RUBCN: variants seen among roughly 807,000 people sequenced by gnomAD.
RUBCN encodes run domain Beclin-1-interacting and cysteine-rich domain-containing protein.
Under a neutral mutation model 113.2 loss-of-function variants are expected in RUBCN, and 74 were observed. That is an observed-to-expected ratio of 0.65 (90% CI 0.54 to 0.79). The LOEUF (loss-of-function observed/expected upper bound fraction) is 0.79, where lower values mean the gene tolerates loss of function less well. Ranked by LOEUF, RUBCN falls within the 30% of genes least tolerant of loss-of-function variation. The pLI, the probability that RUBCN is intolerant of heterozygous loss-of-function variation, is 0.00. For synonymous variants in RUBCN, 480 were observed against 490.0 expected (o/e 0.98, Z 0.27); for missense variants, 1,109 against 1,251.7 (o/e 0.89, Z 1.72).
chr3:197,708,573 A>AAAAAAAAAT (rs1207296556), intron 2 of RUBCN, among the ~76,000 whole-genome samples: 1 of 150,852 alleles, frequency 6.6e-6, no homozygotes. Context: ...AAAAAAAAAA[A>AAAAAAAAAT]AAGAGCAATG....
chr3:197,684,095 G>A, intron 12 of RUBCN, 62 bp downstream of exon 12: 1 of 1,337,660 alleles, frequency 7.5e-7, no homozygotes, highest in South Asian at 1.2e-5. Context: ...CAAGAACTGG[G>A]TTTGTTTCTC....
chr3:197,718,077 A>C lies in RUBCN; in HGVS notation c.119T>G (p.Val40Gly), dbSNP rs1365529880. ...CCAGACGTTGGGGCTGTTGGTTGATACCAAACCCTCCACCGTCGTCTTCAA... is the reference window on the plus strand; with the variant it reads ...CCAGACGTTGGGGCTGTTGGTTGATCCCAAACCCTCCACCGTCGTCTTCAA... Reference protein sequence around the residue: ...GNLKTTVEGLVSTNSPNVWSK... With the variant: ...GNLKTTVEGLGSTNSPNVWSK... Residue 40 changes from valine (V) to glycine (G), a missense_variant, in exon 2 of 20, where the codon GTA becomes GGA. Coordinates refer to ENST00000296343, the MANE Select transcript of RUBCN (RefSeq NM_014687.4). 2 of 1,614,204 alleles carry C rather than the reference A, an allele frequency of 1.2e-6. No individual in the cohort carries two copies. The highest frequency in any genetic ancestry group is 1.7e-6 in the Non-Finnish European group (2 of 1,180,034).
At chr3:197,692,455 T>C (rs1722529031) in intron 11 of RUBCN, among the ~76,000 whole-genome samples, 1 of 151,430 alleles carries the variant, frequency 6.6e-6, no homozygotes, top group African/African-American at 2.4e-5. Flanking sequence ...GTCGTGGGAA[T>C]CTCTGAATTT....
At chr3:197,748,724 A>G (rs1209427745) in intron 1 of RUBCN, among the ~76,000 whole-genome samples, 2 of 152,202 alleles carry the variant, frequency 1.3e-5, no homozygotes, top group Non-Finnish European at 1.5e-5. Flanking sequence ...CAGGCCTGGA[A>G]AGGGGAGCTG....
chr3:197,747,099 G>T lies in RUBCN; in HGVS notation c.-116+2170C>A, dbSNP rs982407074. On this transcript the variant is annotated intron_variant, in intron 1 of 20. Coordinates refer to the RUBCN transcript ENST00000273582. ...GGACAGGACCCAGTTCCGATTTCTT[G>T]GCTTGTCTTCCTCTTTATTTTTACT... Among the ~76,000 whole-genome samples the T allele has an allele frequency of 1.3e-4, 20 of 151,994 alleles. 3 individuals are homozygous for T. The highest frequency in any genetic ancestry group is 1.0e-3 in the Admixed American group (16 of 15,242).
At chr3:197,738,019 G>C (rs1389814264), upstream of RUBCN, among the ~76,000 whole-genome samples, 4 of 152,142 alleles carry the variant, frequency 2.6e-5, no homozygotes, top group Non-Finnish European at 5.9e-5. Flanking sequence ...CTCCTGAATA[G>C]CTGGGACTAC....
At chr3:197,685,134 T>C (rs886817872) in intron 11 of RUBCN, among the ~76,000 whole-genome samples, 1 of 152,182 alleles carries the variant, frequency 6.6e-6, no homozygotes, top group African/African-American at 2.4e-5. Flanking sequence ...AGAAGACGAT[T>C]TCTAATAATG....
intron 1 of RUBCN, among the ~76,000 whole-genome samples, chr3:197,745,702 G>A (rs1728714696): frequency 6.6e-6 from 1 of 151,968 alleles, no homozygotes; most frequent in South Asian, 2.1e-4. Context: ...ATAGATTTCT[G>A]TGCACATTAT....
At chr3:197,749,476 G>C (rs953419723) in exon 1 of RUBCN, 26 of 1,276,876 alleles carry the variant, frequency 2.0e-5, no homozygotes, top group Middle Eastern at 2.2e-4. Context: ...TGCCAGGGAG[G>C]GGGGAGCTGG....
At chr3:197,730,885 CTTTTTTTTTTTTT>C (rs71166707) in intron 1 of RUBCN, among the ~76,000 whole-genome samples, 14 of 49,996 alleles carry the variant, frequency 2.8e-4, no homozygotes, top group East Asian at 1.3e-3. Context: ...TTAAAAGCAT[CTTTTTTTTTTTTT>C]TTTTTTTTTT....
chr3:197,739,388 T>C (rs1475351156), upstream of RUBCN, among the ~76,000 whole-genome samples: 1 of 87,310 alleles, frequency 1.1e-5, no homozygotes, highest in Non-Finnish European at 2.4e-5. Flanking sequence ...CAAGACTTCG[T>C]CTGAAAAAAG....
chr3:197,700,439 T>C (rs1242951968), intron 7 of RUBCN, 174 bp downstream of exon 7: 1 of 638,346 alleles, frequency 1.6e-6, no homozygotes, highest in East Asian at 2.7e-5. Flanking sequence ...TAAATAGACT[T>C]AGAGATTTTG....
At chr3:197,695,093 C>T (rs1036058258) in intron 9 of RUBCN, among the ~76,000 whole-genome samples, 7 of 152,092 alleles carry the variant, frequency 4.6e-5, no homozygotes, top group African/African-American at 1.7e-4. Context: ...ACCTGTGAAT[C>T]CCAGCACTCT....
intron 2 of RUBCN, 34 bp from the exon 3 acceptor site, chr3:197,705,209 G>A (rs376222276): frequency 1.8e-4 from 284 of 1,559,680 alleles, no homozygotes; most frequent in Non-Finnish European, 2.4e-4. Context: ...AGCAAATCAC[G>A]ACCATTCTGG....
At chr3:197,707,365 T>TAAAA (rs1724433685) in intron 2 of RUBCN, among the ~76,000 whole-genome samples, 5 of 152,120 alleles carry the variant, frequency 3.3e-5, no homozygotes, top group Non-Finnish European at 5.9e-5. Flanking sequence ...AATTGGTTTC[T>TAAAA]TTTCTTCAGA....
upstream of RUBCN, among the ~76,000 whole-genome samples, chr3:197,738,027 T>C (rs1262260730): frequency 6.6e-6 from 1 of 152,190 alleles, no homozygotes; most frequent in African/African-American, 2.4e-5. Flanking sequence ...TAGCTGGGAC[T>C]ACAGGTGCGA....
chr3:197,740,850 A>G (rs761205929), upstream of RUBCN, among the ~76,000 whole-genome samples: 4 of 151,998 alleles, frequency 2.6e-5, no homozygotes, highest in Non-Finnish European at 5.9e-5. Flanking sequence ...CGAACTTCTG[A>G]CCTCAAGTGA....
chr3:197,718,035 A>T lies in RUBCN; in HGVS notation c.161T>A (p.Leu54Ter). Residue 54 changes from leucine (L) to a stop codon, truncating the protein, a stop_gained, in exon 2 of 20, where the codon TTG becomes TAG. Coordinates refer to ENST00000296343, the MANE Select transcript of RUBCN (RefSeq NM_014687.4). LOFTEE classifies it high-confidence loss of function. ...CTGCATGTCCCTGCAAAGCCGCTCCAAGCCACCATACTTAGACCAGACGTT... is the reference window on the plus strand; with the variant it reads ...CTGCATGTCCCTGCAAAGCCGCTCCTAGCCACCATACTTAGACCAGACGTT... ...SPNVWSKYGG[L>*]ERLCRDMQSI... The T allele has an allele frequency of 1.2e-6, 2 of 1,614,212 alleles. No individual in the cohort carries two copies. Among genetic ancestry groups the T allele is most frequent in the Admixed American group, 1.7e-5 (1 of 60,016 alleles).
At chr3:197,701,233 G>C in intron 6 of RUBCN, 87 bp from the exon 7 acceptor site, 1 of 1,206,658 alleles carries the variant, frequency 8.3e-7, no homozygotes, top group Non-Finnish European at 1.1e-6. Flanking sequence ...CAGGACATAC[G>C]ATGTCACCTC....
Sources: gnomAD v4.1 joint callset for allele counts (sites outside exome capture counted in the v4.1 genomes callset) on GRCh38, gnomAD v4.1.1 for gene constraint, MANE v1.5 for transcripts, NCBI Gene and HGNC (gene_info 2026-07-23, HGNC 2026-07-21) for gene names.